DDAH1: variants seen among roughly 807,000 people sequenced by gnomAD.
DDAH1 encodes the protein N(G),N(G)-dimethylarginine dimethylaminohydrolase 1.
A neutral mutation model predicts 28.8 loss-of-function variants in DDAH1; 19 were observed. The observed-to-expected ratio is 0.66, with a 90% CI of 0.46 to 0.97. The LOEUF is 0.97. Ranked by LOEUF, DDAH1 falls within the 50% of genes least tolerant of loss-of-function variation. The pLI is 0.00. For synonymous variants in DDAH1, 153 were observed against 154.4 expected, an observed-to-expected ratio of 0.99 and a Z score of 0.07; for missense variants, 326 against 375.9, an observed-to-expected ratio of 0.87 and a Z score of 1.10.
intron 1 of DDAH1, among the ~76,000 whole-genome samples, chr1:85,497,456 C>T (rs1420882319): frequency 6.6e-6 from 1 of 152,210 alleles, no homozygotes; most frequent in Non-Finnish European, 1.5e-5. Flanking sequence ...AGAAAGAGTA[C>T]TAACTGTTAA....
chr1:85,533,850 G>A (rs1205699394), intron 1 of DDAH1, among the ~76,000 whole-genome samples: 2 of 152,198 alleles, frequency 1.3e-5, no homozygotes, highest in African/African-American at 4.8e-5. Context: ...TTAGGACAAT[G>A]TCTGGTAAGT....
At chr1:85,411,193 A>C (rs928857439) in intron 1 of DDAH1, among the ~76,000 whole-genome samples, 5 of 152,236 alleles carry the variant, frequency 3.3e-5, no homozygotes, top group Non-Finnish European at 7.3e-5. Context: ...GTCATCCATG[A>C]AACAGACCAA....
At position 85,552,728 on chromosome 1, in the gene DDAH1, G is replaced by A. The variant is rs559854175; in HGVS notation, c.-123+25256C>T. On this transcript the variant is annotated intron_variant, in intron 1 of 6. Transcript: ENST00000426972. ...GGAGGAAGAAGCTTGCTTTTGAGTA[G>A]ACAAAATAACTGACTCTTGGACAAG... 3.9e-5 allele frequency among the ~76,000 whole-genome samples: 6 copies of A among 152,264 alleles called. 1 individual carries two copies. In the South Asian group the frequency reaches 1.0e-3, roughly 26 times the overall value.
At chr1:85,441,065 G>C (rs1173156423) in intron 1 of DDAH1, among the ~76,000 whole-genome samples, 1 of 152,198 alleles carries the variant, frequency 6.6e-6, no homozygotes, top group Non-Finnish European at 1.5e-5. Flanking sequence ...GAAATTTTTA[G>C]AGCCTCACTA....
chr1:85,501,088 GT>G (rs1440485997), intron 1 of DDAH1, among the ~76,000 whole-genome samples: 1 of 151,818 alleles, frequency 6.6e-6, no homozygotes, highest in Non-Finnish European at 1.5e-5. Flanking sequence ...AAAAAAATCT[GT>G]TGTGGTCATG....
chr1:85,374,703 A>AT (rs5775837), intron 1 of DDAH1, among the ~76,000 whole-genome samples: 32 of 150,638 alleles, frequency 2.1e-4, no homozygotes, highest in East Asian at 1.2e-3. Context: ...TTTTATGAGA[A>AT]TTTTTTTTTT....
intron 1 of DDAH1, among the ~76,000 whole-genome samples, chr1:85,552,362 T>A (rs1004506605): frequency 1.3e-5 from 2 of 152,204 alleles, no homozygotes; most frequent in Non-Finnish European, 2.9e-5. Context: ...GGCTATAGAA[T>A]CTGAATCCCC....
intron 2 of DDAH1, among the ~76,000 whole-genome samples, chr1:85,472,747 G>A (rs1401482162): frequency 1.4e-4 from 21 of 152,112 alleles, no homozygotes; most frequent in Admixed American, 1.4e-3. Context: ...GATTCAGCGG[G>A]TACATGTGCG....
At chr1:85,398,624 C>T (rs1275649463) in intron 1 of DDAH1, 1 of 152,194 alleles carries the variant, frequency 6.6e-6, no homozygotes, top group African/African-American at 2.4e-5. Context: ...TATCTAACGC[C>T]ACAACCAGGG....
At chr1:85,390,994 G>A (rs1298798022) in intron 1 of DDAH1, among the ~76,000 whole-genome samples, 5 of 152,050 alleles carry the variant, frequency 3.3e-5, no homozygotes, top group Non-Finnish European at 7.4e-5. Context: ...ATTCTAATTG[G>A]CATTCAGAAG....
At chr1:85,493,114 C>A (rs1159585842) in intron 2 of DDAH1, among the ~76,000 whole-genome samples, 1 of 151,692 alleles carries the variant, frequency 6.6e-6, no homozygotes, top group Non-Finnish European at 1.5e-5. Context: ...TATATACTTT[C>A]TTTGACCTAA....
chr1:85,382,173 AGTT>A (rs1435691008), intron 1 of DDAH1, among the ~76,000 whole-genome samples: 1 of 152,192 alleles, frequency 6.6e-6, no homozygotes, highest in African/African-American at 2.4e-5. Context: ...AAGGAAGTTG[AGTT>A]GTTGAAGGAA....
At chr1:85,540,862 A>G (rs1658451098) in intron 1 of DDAH1, among the ~76,000 whole-genome samples, 1 of 149,252 alleles carries the variant, frequency 6.7e-6, no homozygotes, top group Non-Finnish European at 1.5e-5. Context: ...TGGGAGGCTG[A>G]GGCAGGAGAA....
At chr1:85,404,705 T>C (rs2100585049) in intron 1 of DDAH1, among the ~76,000 whole-genome samples, 1 of 152,352 alleles carries the variant, frequency 6.6e-6, no homozygotes, top group South Asian at 2.1e-4. Context: ...AACACACTTC[T>C]GAGCCATGAT....
chr1:85,446,503 T>A (rs988866819), intron 1 of DDAH1, among the ~76,000 whole-genome samples: 3 of 152,194 alleles, frequency 2.0e-5, no homozygotes, highest in South Asian at 4.1e-4. Flanking sequence ...AATTGTCTAC[T>A]GGTGGGCTTT....
At chr1:85,373,605 A>G (rs1213407755) in intron 1 of DDAH1, among the ~76,000 whole-genome samples, 1 of 152,140 alleles carries the variant, frequency 6.6e-6, no homozygotes, top group Non-Finnish European at 1.5e-5. Flanking sequence ...GCCTTCTGCC[A>G]TGATTTCAAA....
At chr1:85,334,335 C>T (rs1647974768) in intron 4 of DDAH1, among the ~76,000 whole-genome samples, 1 of 152,036 alleles carries the variant, frequency 6.6e-6, no homozygotes, top group African/African-American at 2.4e-5. Context: ...CAGTCTTAGA[C>T]AGTTCTTTAA....
At chr1:85,381,095 G>A (rs948443950) in intron 1 of DDAH1, among the ~76,000 whole-genome samples, 17 of 151,686 alleles carry the variant, frequency 1.1e-4, no homozygotes, top group Admixed American at 3.9e-4. Context: ...AAAATTAGCC[G>A]GGCGTGGTGG....
chr1:85,381,631 C>A (rs1650999090), intron 1 of DDAH1, among the ~76,000 whole-genome samples: 1 of 152,062 alleles, frequency 6.6e-6, no homozygotes, highest in Non-Finnish European at 1.5e-5. Context: ...CCTCTGACTG[C>A]TTTTCAGATT....
Sources: allele counts gnomAD v4.1 joint callset (sites outside exome capture counted in the v4.1 genomes callset), GRCh38; gene constraint gnomAD v4.1.1; transcripts MANE v1.5; gene names NCBI Gene and HGNC (gene_info 2026-07-23, HGNC 2026-07-21).